Variants in CDH4 observed in about 807,000 individuals in gnomAD.
CDH4 encodes cadherin 4.
In CDH4, 33 loss-of-function variants were observed where a neutral mutation model predicts 86.0. The observed-to-expected ratio is 0.38, with a 90% confidence interval of 0.29 to 0.51. The LOEUF (loss-of-function observed/expected upper bound fraction) is 0.51, where lower values mean the gene tolerates loss of function less well. Among genes scored for constraint, CDH4 ranks in the 20% least tolerant of loss-of-function variants. The pLI is 0.86. For synonymous variants in CDH4, 555 were observed against 549.4 expected (o/e 1.01, Z -0.14); for missense variants, 1,114 against 1,307.4 (o/e 0.85, Z 2.28).
chr20:61,619,822 C>T (rs967917252), intron 2 of CDH4, among the ~76,000 whole-genome samples: 5 of 152,236 alleles, frequency 3.3e-5, no homozygotes, highest in African/African-American at 9.6e-5. Flanking sequence ...GGCTGGCACT[C>T]ACTTGTCAGA....
chr20:61,661,003 A>T (rs909168912), intron 2 of CDH4, among the ~76,000 whole-genome samples: 1 of 150,610 alleles, frequency 6.6e-6, no homozygotes, highest in Admixed American at 6.7e-5. Flanking sequence ...AGCAGATTCT[A>T]AAAAATTCTA....
chr20:61,487,667 G>C (rs914221243), intron 2 of CDH4, among the ~76,000 whole-genome samples: 1 of 152,154 alleles, frequency 6.6e-6, no homozygotes, highest in Non-Finnish European at 1.5e-5. Context: ...CCTTCAGCAG[G>C]TTAATTTGTA....
At chr20:61,746,155 G>A (rs1447302070) in intron 3 of CDH4, among the ~76,000 whole-genome samples, 1 of 152,148 alleles carries the variant, frequency 6.6e-6, no homozygotes, top group East Asian at 2.0e-4. Context: ...TGAGTCCGGC[G>A]TATGTCGTTT....
chr20:61,665,759 TC>T (rs1377711091), intron 2 of CDH4, among the ~76,000 whole-genome samples: 3 of 152,178 alleles, frequency 2.0e-5, no homozygotes, highest in African/African-American at 4.8e-5. Context: ...CGGATTTATC[TC>T]CGACCTTTGA....
chr20:61,385,656 C>G (rs978157645), intron 2 of CDH4, among the ~76,000 whole-genome samples: 4 of 152,150 alleles, frequency 2.6e-5, no homozygotes, highest in Non-Finnish European at 5.9e-5. Flanking sequence ...CCGTTATCTT[C>G]TGTTGCTGTC....
chr20:61,849,282 A>C (rs1226478352), intron 5 of CDH4, among the ~76,000 whole-genome samples: 1 of 151,906 alleles, frequency 6.6e-6, no homozygotes. Flanking sequence ...TGTGACCCCA[A>C]CTCCGGATTT....
At chr20:61,607,713 G>A (rs2086656100) in intron 2 of CDH4, among the ~76,000 whole-genome samples, 1 of 152,316 alleles carries the variant, frequency 6.6e-6, no homozygotes, top group South Asian at 2.1e-4. Flanking sequence ...CTTTACCTGG[G>A]CCAGGCTGCC....
chr20:61,303,229 G>A (rs1272195094), intron 2 of CDH4, among the ~76,000 whole-genome samples: 2 of 152,186 alleles, frequency 1.3e-5, no homozygotes, highest in South Asian at 2.1e-4. Flanking sequence ...GTACCCAGGC[G>A]TTCTTGTGAG....
intron 2 of CDH4, among the ~76,000 whole-genome samples, chr20:61,265,423 C>T (rs1328790361): frequency 1.3e-5 from 2 of 152,112 alleles, no homozygotes; most frequent in Admixed American, 6.5e-5. Context: ...CTCATTGGCT[C>T]CTTCATTCAG....
intron 2 of CDH4, among the ~76,000 whole-genome samples, chr20:61,599,315 C>T (rs1281495379): frequency 6.6e-6 from 1 of 152,188 alleles, no homozygotes; most frequent in African/African-American, 2.4e-5. Flanking sequence ...CCTCCTTCTG[C>T]TGGGGGACTC....
chr20:61,661,375 A>G (rs77780274), intron 2 of CDH4, among the ~76,000 whole-genome samples: 3,036 of 152,210 alleles, frequency 0.02, 107 homozygotes, highest in African/African-American at 0.069. Flanking sequence ...TTCTGCCTCA[A>G]CAACAGGAGG....
chr20:61,789,536 A>C (rs975069230), intron 4 of CDH4, among the ~76,000 whole-genome samples: 2 of 152,194 alleles, frequency 1.3e-5, no homozygotes, highest in African/African-American at 4.8e-5. Flanking sequence ...AGTGGATCTT[A>C]TCTGATCTAG....
intron 2 of CDH4, among the ~76,000 whole-genome samples, chr20:61,543,276 T>C (rs1410234551): frequency 6.6e-6 from 1 of 152,212 alleles, no homozygotes; most frequent in African/African-American, 2.4e-5. Context: ...ACACTCCATA[T>C]TAGCTGTCAC....
intron 2 of CDH4, among the ~76,000 whole-genome samples, chr20:61,720,337 AG>A (rs958313648): frequency 5.9e-5 from 9 of 152,128 alleles, no homozygotes; most frequent in Non-Finnish European, 1.3e-4. Flanking sequence ...ACCAGGAAGC[AG>A]GGCAGCAACT....
intron 2 of CDH4, among the ~76,000 whole-genome samples, chr20:61,402,529 C>A (rs1392292460): frequency 3.9e-5 from 6 of 152,094 alleles, no homozygotes; most frequent in African/African-American, 1.2e-4. Flanking sequence ...GTAGCTGGGA[C>A]TACAGGTGCA....
At chr20:61,641,452 A>G (rs2087008800) in intron 2 of CDH4, among the ~76,000 whole-genome samples, 1 of 150,902 alleles carries the variant, frequency 6.6e-6, no homozygotes, top group African/African-American at 2.4e-5. Flanking sequence ...ACCCCCTGCT[A>G]CCCCAGAGCC....
chr20:61,424,316 T>C (rs2085198991), intron 2 of CDH4, among the ~76,000 whole-genome samples: 1 of 147,790 alleles, frequency 6.8e-6, no homozygotes, highest in East Asian at 2.0e-4. Flanking sequence ...TCCACACACA[T>C]CCACATACAA....
chr20:61,869,000 A>C (rs1983677969), intron 6 of CDH4, among the ~76,000 whole-genome samples: 2 of 152,168 alleles, frequency 1.3e-5, no homozygotes, highest in African/African-American at 2.4e-5. Flanking sequence ...ACACACACAA[A>C]GCCTCTAGAC....
intron 2 of CDH4, among the ~76,000 whole-genome samples, chr20:61,260,941 G>T (rs1402048302): frequency 6.6e-6 from 1 of 152,214 alleles, no homozygotes. Flanking sequence ...GCGCTGCATG[G>T]TGCATCATCT....
Sources: allele counts gnomAD v4.1 joint callset (sites outside exome capture counted in the v4.1 genomes callset), GRCh38; gene constraint gnomAD v4.1.1; transcripts MANE v1.5; gene names NCBI Gene and HGNC (gene_info 2026-07-23, HGNC 2026-07-21).